The following FSTL5 variants were observed in gnomAD, a reference collection of about 807,000 sequenced individuals.
FSTL5 encodes the protein follistatin like 5, also known as follistatin-related protein 5.
In FSTL5, 62 loss-of-function variants were observed where a neutral mutation model predicts 89.1. That is an observed-to-expected ratio of 0.70 (90% CI 0.57 to 0.86). FSTL5 has a LOEUF of 0.86. FSTL5 is among the 40% of genes least tolerant of loss of function. The pLI is 0.00. For missense variants in FSTL5, 1,057 were observed against 1,001.6 expected (o/e 1.06, Z -0.75); for synonymous variants, 383 against 346.2 (o/e 1.11, Z -1.18).
intron 5 of FSTL5, among the ~76,000 whole-genome samples, chr4:161,764,598 C>T (rs1029433321): frequency 1.3e-5 from 2 of 151,908 alleles, no homozygotes; most frequent in Admixed American, 6.6e-5. Context: ...GAAATAATTA[C>T]ATTTTCTTTT....
At chr4:161,415,210 C>T (rs886084618) in intron 15 of FSTL5, among the ~76,000 whole-genome samples, 4 of 152,102 alleles carry the variant, frequency 2.6e-5, no homozygotes, top group Admixed American at 1.3e-4. Flanking sequence ...ATATACAATG[C>T]TGCCCACCCC....
intron 4 of FSTL5, among the ~76,000 whole-genome samples, chr4:161,834,803 G>C (rs2126865573): frequency 6.6e-6 from 1 of 152,132 alleles, no homozygotes; most frequent in Middle Eastern, 3.4e-3. Context: ...AATACAAGAG[G>C]ATACAAACAA....
At chr4:162,004,381 T>C (rs1228200127) in intron 3 of FSTL5, among the ~76,000 whole-genome samples, 1 of 152,222 alleles carries the variant, frequency 6.6e-6, no homozygotes, top group African/African-American at 2.4e-5. Context: ...TGCAATTTAC[T>C]ATTATAGCTG....
rs189985981 is a variant in FSTL5, at chr4:161,554,906, A to T, written c.1016-12213T>A. Reference sequence around the variant, plus strand: ...AGACTCGGTTTAATAAATATTTTAAATGCTACTGAGCTTGTCCAATGCCTT... The same window carrying T: ...AGACTCGGTTTAATAAATATTTTAATTGCTACTGAGCTTGTCCAATGCCTT... On this transcript the variant is annotated intron_variant, in intron 8 of 15. Coordinates refer to ENST00000306100, the MANE Select transcript of FSTL5 (RefSeq NM_020116.5). Among the ~76,000 whole-genome samples the T allele has an allele frequency of 1.6e-3, 249 of 151,800 alleles. 1 individual carries two copies. Among genetic ancestry groups the T allele is most frequent in the African/African-American group, 5.8e-3 (239 of 41,514 alleles).
intron 7 of FSTL5, among the ~76,000 whole-genome samples, chr4:161,596,505 T>C (rs1171172483): frequency 6.6e-6 from 1 of 151,918 alleles, no homozygotes. Context: ...TTTATTAAAC[T>C]TAAGAAAATA....
intron 10 of FSTL5, among the ~76,000 whole-genome samples, chr4:161,525,072 T>C (rs1040853200): frequency 1.3e-5 from 2 of 152,114 alleles, no homozygotes; most frequent in Non-Finnish European, 2.9e-5. Flanking sequence ...ATTACCTCAA[T>C]AGAGACTACT....
At chr4:162,071,575 T>C (rs1729624983) in intron 2 of FSTL5, among the ~76,000 whole-genome samples, 1 of 151,764 alleles carries the variant, frequency 6.6e-6, no homozygotes, top group African/African-American at 2.4e-5. Context: ...CATTCAGCAT[T>C]GGGCAGATCA....
intron 4 of FSTL5, among the ~76,000 whole-genome samples, chr4:161,902,882 A>G (rs1733411960): frequency 6.6e-6 from 1 of 152,158 alleles, no homozygotes; most frequent in African/African-American, 2.4e-5. Context: ...TTCCAAAATA[A>G]AAACTTCTGT....
At chr4:161,443,296 T>G (rs745345162) in intron 15 of FSTL5, among the ~76,000 whole-genome samples, 6 of 151,932 alleles carry the variant, frequency 3.9e-5, no homozygotes, top group Non-Finnish European at 8.8e-5. Context: ...GTGAAAAAAC[T>G]TATGCAAAAG....
chr4:161,931,916 T>C (rs1359212695), intron 3 of FSTL5, among the ~76,000 whole-genome samples: 5 of 151,958 alleles, frequency 3.3e-5, no homozygotes, highest in Non-Finnish European at 7.4e-5. Context: ...CTCCCAATGG[T>C]ACAGTCCAAA....
intron 15 of FSTL5, among the ~76,000 whole-genome samples, chr4:161,391,306 G>T (rs1730814964): frequency 6.6e-6 from 1 of 152,098 alleles, no homozygotes; most frequent in African/African-American, 2.4e-5. Flanking sequence ...ATAAGTGTGG[G>T]TCATATTATT....
At chr4:161,505,471 A>G (rs1730446847) in intron 11 of FSTL5, among the ~76,000 whole-genome samples, 1 of 152,152 alleles carries the variant, frequency 6.6e-6, no homozygotes, top group Non-Finnish European at 1.5e-5. Context: ...TCTGACCACT[A>G]TGTATATTGG....
At chr4:161,841,357 A>ATATTT (rs1731207279) in intron 4 of FSTL5, among the ~76,000 whole-genome samples, 1 of 152,224 alleles carries the variant, frequency 6.6e-6, no homozygotes, top group Non-Finnish European at 1.5e-5. Flanking sequence ...TTGAAAATAC[A>ATATTT]TATTTGTAGA....
chr4:161,660,676 C>T (rs921215328), intron 6 of FSTL5, among the ~76,000 whole-genome samples: 9 of 151,954 alleles, frequency 5.9e-5, no homozygotes, highest in African/African-American at 1.7e-4. Flanking sequence ...TCTATGTGTC[C>T]GTGTGTTCTC....
intron 6 of FSTL5, among the ~76,000 whole-genome samples, chr4:161,663,862 T>C (rs1036613420): frequency 5.9e-5 from 9 of 152,152 alleles, no homozygotes; most frequent in Non-Finnish European, 4.4e-5. Context: ...CACACAGCCT[T>C]TAAAATCTAG....
At chr4:161,724,426 C>T (rs1266209313) in intron 6 of FSTL5, among the ~76,000 whole-genome samples, 1 of 152,008 alleles carries the variant, frequency 6.6e-6, no homozygotes, top group Non-Finnish European at 1.5e-5. Flanking sequence ...GACATATAAA[C>T]AAAACATTCA....
At chr4:162,067,669 A>C (rs1216474678) in intron 2 of FSTL5, among the ~76,000 whole-genome samples, 1 of 151,760 alleles carries the variant, frequency 6.6e-6, no homozygotes, top group African/African-American at 2.4e-5. Flanking sequence ...CTCTCTTACC[A>C]CTCCAACATA....
intron 13 of FSTL5, among the ~76,000 whole-genome samples, chr4:161,469,217 C>T (rs1394319039): frequency 6.6e-6 from 1 of 152,054 alleles, no homozygotes; most frequent in African/African-American, 2.4e-5. Flanking sequence ...TCATAATGTC[C>T]TCAGATTACA....
At chr4:161,700,244 TA>T (rs1738340105) in intron 6 of FSTL5, among the ~76,000 whole-genome samples, 1 of 152,098 alleles carries the variant, frequency 6.6e-6, no homozygotes, top group Non-Finnish European at 1.5e-5. Context: ...CACAGAGAGG[TA>T]AAGTATCTTG....
Sources: allele counts gnomAD v4.1 joint callset (sites outside exome capture counted in the v4.1 genomes callset), GRCh38; gene constraint gnomAD v4.1.1; transcripts MANE v1.5; gene names NCBI Gene and HGNC (gene_info 2026-07-23, HGNC 2026-07-21).